ZNF407: variants seen among roughly 807,000 people sequenced by gnomAD.
ZNF407 encodes zinc finger protein 407.
Under a neutral mutation model 131.2 loss-of-function variants are expected in ZNF407, and 17 were observed. The observed-to-expected ratio is 0.13, with a 90% CI of 0.09 to 0.19. The LOEUF is 0.19. ZNF407 is among the 10% of genes least tolerant of loss of function. ZNF407 has a pLI of 1.00. For missense variants in ZNF407, 2,681 were observed against 2,830.6 expected, an observed-to-expected ratio of 0.95 and a Z score of 1.20; for synonymous variants, 1,156 against 1,062.0, an observed-to-expected ratio of 1.09 and a Z score of -1.72.
At chr18:74,702,287 G>A (rs1227069270) in intron 3 of ZNF407, among the ~76,000 whole-genome samples, 1 of 152,078 alleles carries the variant, frequency 6.6e-6, no homozygotes, top group Non-Finnish European at 1.5e-5. Flanking sequence ...GCACGGGTCA[G>A]TTTTTCCAAT....
chr18:74,999,374 A>AC (rs1491476687), intron 8 of ZNF407, among the ~76,000 whole-genome samples: 1 of 143,412 alleles, frequency 7.0e-6, no homozygotes, highest in African/African-American at 2.6e-5. Flanking sequence ...AAAAAAAAAA[A>AC]ACAAAGGTAA....
At chr18:74,674,106 A>G (rs1986260650) in intron 3 of ZNF407, among the ~76,000 whole-genome samples, 1 of 152,194 alleles carries the variant, frequency 6.6e-6, no homozygotes, top group Admixed American at 6.5e-5. Flanking sequence ...TGGAGATTTA[A>G]CTAGTTTTGT....
At chr18:74,613,775 T>C (rs12953957) in intron 1 of ZNF407, among the ~76,000 whole-genome samples, 49,170 of 152,154 alleles carry the variant, frequency 0.32, 8,641 homozygotes, top group African/African-American at 0.45. Flanking sequence ...TTAATTTTCC[T>C]TTTTATGCTG....
intron 4 of ZNF407, among the ~76,000 whole-genome samples, chr18:74,851,944 T>C (rs1314886842): frequency 6.6e-6 from 1 of 152,186 alleles, no homozygotes; most frequent in East Asian, 1.9e-4. Flanking sequence ...ACTCTGATTA[T>C]GGAGAGGGTG....
rs1568316795 is a variant in ZNF407 at position 75,063,784 on chromosome 18, C to G, written c.6063C>G (p.Ile2021Met). 2 of 1,610,084 alleles carry G rather than the reference C, an allele frequency of 1.2e-6. No homozygotes were observed. The highest frequency in any genetic ancestry group is 2.2e-5 in the East Asian group (1 of 44,856). The change falls in exon 9 of 9, where the codon ATC becomes ATG. Residue 2021 changes from isoleucine (I) to methionine (M), a missense_variant. Physicochemically the swap from Ile to Met is conservative, Grantham distance 10. Coordinates refer to ENST00000299687, the MANE Select transcript of ZNF407 (RefSeq NM_017757.3). The surrounding 1 kb of genome is among the most constrained non-coding windows in gnomAD (Gnocchi z 6.6). ...GGCCCGGCGCCAAAGACGTGCTGAT[C>G]CAGCTGCCCGGGCAGGAGGTCTCCC... ...QGRPGAKDVLIQLPGQEVSHV... is the reference protein window; with the variant it reads ...QGRPGAKDVLMQLPGQEVSHV...
chr18:74,871,883 A>G (rs1267341456), intron 4 of ZNF407, among the ~76,000 whole-genome samples: 3 of 151,200 alleles, frequency 2.0e-5, no homozygotes, highest in Admixed American at 6.6e-5. Context: ...TTTTTTTGAA[A>G]CAGAGTCTCA....
At chr18:74,802,263 A>G (rs1236395331) in intron 4 of ZNF407, among the ~76,000 whole-genome samples, 3 of 152,176 alleles carry the variant, frequency 2.0e-5, no homozygotes, top group Non-Finnish European at 4.4e-5. Context: ...AGTTTACATA[A>G]TTTTAGTGGC....
chr18:75,031,811 G>C (rs1438996690), intron 8 of ZNF407, among the ~76,000 whole-genome samples: 1 of 152,172 alleles, frequency 6.6e-6, no homozygotes, highest in Non-Finnish European at 1.5e-5. Context: ...GGCAATTACA[G>C]GATTTCAGAT....
intron 8 of ZNF407, among the ~76,000 whole-genome samples, chr18:74,945,617 A>G (rs1972146189): frequency 6.6e-6 from 1 of 152,230 alleles, no homozygotes; most frequent in South Asian, 2.1e-4. Context: ...TATTTTCTGT[A>G]AAGATTTCAT....
intron 4 of ZNF407, among the ~76,000 whole-genome samples, chr18:74,804,853 C>T (rs1970084726): frequency 6.6e-6 from 1 of 152,268 alleles, no homozygotes; most frequent in South Asian, 2.1e-4. Flanking sequence ...TATCCTCCTC[C>T]ACCTCCTTCC....
chr18:75,023,937 A>G (rs1973141504), intron 8 of ZNF407, among the ~76,000 whole-genome samples: 1 of 152,222 alleles, frequency 6.6e-6, no homozygotes, highest in South Asian at 2.1e-4. Flanking sequence ...TGCAACAAAT[A>G]TTGAGCTCCC....
chr18:74,911,631 C>T (rs1160589153), intron 7 of ZNF407, among the ~76,000 whole-genome samples: 1 of 152,136 alleles, frequency 6.6e-6, no homozygotes, highest in Non-Finnish European at 1.5e-5. Flanking sequence ...CCACCGCACT[C>T]AATTCAATTT....
intron 4 of ZNF407, among the ~76,000 whole-genome samples, chr18:74,847,634 G>C (rs144232865): frequency 5.5e-4 from 84 of 152,216 alleles, no homozygotes; most frequent in African/African-American, 2.0e-3. Flanking sequence ...GCCTTCTCTT[G>C]TATTTTTAAA....
intron 8 of ZNF407, among the ~76,000 whole-genome samples, chr18:75,017,629 G>A (rs892647072): frequency 6.6e-6 from 1 of 152,100 alleles, no homozygotes; most frequent in Non-Finnish European, 1.5e-5. Flanking sequence ...TCATATCCAG[G>A]CTGTCAGCAA....
intron 8 of ZNF407, among the ~76,000 whole-genome samples, chr18:74,963,995 A>G (rs1972379245): frequency 2.0e-5 from 3 of 152,212 alleles, no homozygotes; most frequent in Admixed American, 2.0e-4. Flanking sequence ...GAATAGAAAT[A>G]TTTGTGGCGC....
At position 74,641,126 on chromosome 18, in the gene ZNF407, A is replaced by AGTAAATTGAAGCCATC; in HGVS notation, c.4802+5_4802+20dup. 1 of 1,604,976 alleles carries AGTAAATTGAAGCCATC rather than the reference A, an allele frequency of 6.2e-7. No homozygotes were observed. The highest frequency in any genetic ancestry group is 8.5e-7 in the Non-Finnish European group (1 of 1,171,906). On this transcript the variant is annotated splice_donor_region_variant and intron_variant, in intron 3 of 8. Coordinates refer to ENST00000299687, the MANE Select transcript of ZNF407 (RefSeq NM_017757.3). The stretch of plus-strand genomic sequence containing the variant: ...AATACAAGTGTCATGTCTGTGGGTG[A>AGTAAATTGAAGCCATC]GTAAATTGAAGCCATCTCTGCTGCG...
rs1983645763 is a variant in ZNF407 at position 74,623,364 on chromosome 18, CTG to C, written c.-53-7600_-53-7599del. ...TGTGAGTGTGAGTGCGCGTGTGCGT[CTG>C]TGACTTTGGGTGTGTGCACATGAGG... is the stretch of plus-strand genomic sequence containing the variant. On this transcript the variant is annotated intron_variant, in intron 1 of 8. Coordinates refer to ENST00000299687, the MANE Select transcript of ZNF407 (RefSeq NM_017757.3). Among the ~76,000 whole-genome samples, 3 of 151,332 alleles carry C rather than the reference CTG, an allele frequency of 2.0e-5. No individual in the cohort carries two copies. The South Asian group carries it at 6.3e-4, about 32-fold the overall frequency.
At chr18:74,819,888 A>G (rs1041454591) in intron 4 of ZNF407, among the ~76,000 whole-genome samples, 54 of 152,290 alleles carry the variant, frequency 3.5e-4, no homozygotes, top group African/African-American at 1.3e-3. Context: ...GTGAGATTGT[A>G]GTGCTGTGAA....
intron 8 of ZNF407, among the ~76,000 whole-genome samples, chr18:75,012,886 TTTTTG>T (rs528717155): frequency 6.6e-6 from 1 of 152,030 alleles, no homozygotes; most frequent in African/African-American, 2.4e-5. Flanking sequence ...GAGGTTTGTT[TTTTTG>T]TTTTGTTTTG....
Sources: gnomAD v4.1 joint callset for allele counts (sites outside exome capture counted in the v4.1 genomes callset) on GRCh38, gnomAD v4.1.1 for gene constraint, Gnocchi (gnomAD v3.1) non-coding constraint, MANE v1.5 for transcripts, NCBI Gene and HGNC (gene_info 2026-07-23, HGNC 2026-07-21) for gene names.